ATP1B1: variants seen among roughly 807,000 people sequenced by gnomAD.
ATP1B1 encodes ATPase Na+/K+ transporting subunit beta 1.
A neutral mutation model predicts 39.6 loss-of-function variants in ATP1B1; 3 were observed. That is an observed-to-expected ratio of 0.08 (90% CI 0.03 to 0.20). The LOEUF is 0.20. Among genes scored for constraint, ATP1B1 ranks in the 10% least tolerant of loss-of-function variants. The pLI is 1.00. For missense variants in ATP1B1, 216 were observed against 371.1 expected, an observed-to-expected ratio of 0.58 and a Z score of 3.43; for synonymous variants, 139 against 135.0, an observed-to-expected ratio of 1.03 and a Z score of -0.20.
Position 169,116,987 on chromosome 1 carries a change from C to T in ATP1B1, c.226+5489C>T, listed in dbSNP as rs186273956. Among the ~76,000 whole-genome samples, 170 of 152,234 alleles carry T rather than the reference C, an allele frequency of 1.1e-3. 1 individual carries two copies. Among genetic ancestry groups the T allele is most frequent in the African/African-American group, 3.9e-3 (160 of 41,530 alleles). On this transcript the variant is annotated intron_variant, in intron 2 of 5. Coordinates refer to ENST00000367815, the MANE Select transcript of ATP1B1 (RefSeq NM_001677.4). ...CTCAGAATACCTAATTTTTCCACCC[C>T]CCGCAAACTACCTCATACTTGTATT...
At chr1:169,123,625 C>A (rs944693353) in intron 2 of ATP1B1, among the ~76,000 whole-genome samples, 22 of 149,796 alleles carry the variant, frequency 1.5e-4, no homozygotes, top group African/African-American at 2.2e-4. Context: ...ATCTATCTAT[C>A]TATATATATA....
chr1:169,118,091 A>G (rs774466702), intron 2 of ATP1B1, among the ~76,000 whole-genome samples: 3 of 152,184 alleles, frequency 2.0e-5, no homozygotes, highest in Non-Finnish European at 4.4e-5. Context: ...CACAATTATG[A>G]GCTATACAAA....
Position 169,131,619 on chromosome 1 carries a change from C to A in ATP1B1, c.*64C>A. ...TTAAAAAAAGATACAAAAACAAAAA[C>A]CTACTAGTCTTGAACAAACTGTCAT... is the stretch of plus-strand genomic sequence containing the variant. On this transcript the variant is annotated 3_prime_UTR_variant, in exon 6 of 6. Transcript: ENST00000367815. The surrounding 1 kb of genome is among the most constrained non-coding windows in gnomAD (Gnocchi z 4.4). The A allele has an allele frequency of 1.3e-6, 2 of 1,539,578 alleles. No individual in the cohort carries two copies. Among genetic ancestry groups the A allele is most frequent in the Non-Finnish European group, 1.7e-6 (2 of 1,144,888 alleles).
chr1:169,109,221 TGTTTGTTTGTTCA>T (rs1307409563), intron 1 of ATP1B1, among the ~76,000 whole-genome samples: 3 of 152,220 alleles, frequency 2.0e-5, no homozygotes, highest in Admixed American at 6.5e-5. Context: ...GGGTACACAC[TGTTTGTTTGTTCA>T]TTTGTTTGTT....
chr1:169,132,367 T>TTTTAC lies in ATP1B1; in HGVS notation c.*816_*820dup. ...TAATTAATTTGCTTTATACATTTTC[T>TTTTAC]TTTACTTTCCTTTTTTCCTTTCTGG... is the stretch of plus-strand genomic sequence containing the variant. On this transcript the variant is annotated 3_prime_UTR_variant, in exon 6 of 6. Transcript: ENST00000367815. 2.2e-6 allele frequency: 1 copy of TTTTAC among 464,780 alleles called. No individual in the cohort carries two copies. Among genetic ancestry groups the TTTTAC allele is most frequent in the Non-Finnish European group, 3.9e-6 (1 of 257,458 alleles). 28.8% of individuals were successfully genotyped at this position (464,780 alleles called of 1,614,324 possible).
chr1:169,116,633 C>T (rs1017638339), intron 2 of ATP1B1, among the ~76,000 whole-genome samples: 1 of 152,026 alleles, frequency 6.6e-6, no homozygotes, highest in Non-Finnish European at 1.5e-5. Context: ...GGCAGATCAC[C>T]CGAGGTCAGG....
intron 2 of ATP1B1, among the ~76,000 whole-genome samples, chr1:169,115,996 G>GA (rs142818233): frequency 0.015 from 2,261 of 152,338 alleles, 63 homozygotes; most frequent in African/African-American, 0.052. Context: ...TGGATCTGGG[G>GA]AGAGACGCAG....
At chr1:169,122,218 C>G (rs1489350038) in intron 2 of ATP1B1, among the ~76,000 whole-genome samples, 1 of 152,156 alleles carries the variant, frequency 6.6e-6, no homozygotes, top group African/African-American at 2.4e-5. Context: ...CCTCAAGGCT[C>G]CATTCTCTCT....
In ATP1B1 at chr1:169,112,553, G is replaced by T. The variant is rs146657041; in HGVS notation, c.226+1055G>T. Reference sequence around the variant, plus strand: ...AGGTGACAATCTTCAGATGATCTACGTGGCCCTGAGCAGCCTAGATCAAGG... The same window carrying T: ...AGGTGACAATCTTCAGATGATCTACTTGGCCCTGAGCAGCCTAGATCAAGG... On this transcript the variant is annotated intron_variant, in intron 2 of 5. Transcript: ENST00000367815. 1.8e-4 allele frequency among the ~76,000 whole-genome samples: 27 copies of T among 152,324 alleles called. 1 individual carries two copies. Among genetic ancestry groups the T allele is most frequent in the Middle Eastern group, 3.4e-3 (1 of 294 alleles).
chr1:169,106,740 C>G lies in ATP1B1; in HGVS notation c.-90C>G. 6 of 1,060,916 alleles carry G rather than the reference C, an allele frequency of 5.7e-6. No homozygotes were observed. The highest frequency in any genetic ancestry group is 7.9e-6 in the Non-Finnish European group (6 of 761,242). 65.7% of individuals were successfully genotyped at this position (1,060,916 alleles called of 1,614,324 possible). A position where few individuals can be genotyped will look rare whatever the true frequency, so the allele number is the denominator to read the frequency against. On this transcript the variant is annotated 5_prime_UTR_variant, in exon 1 of 6. Coordinates refer to ENST00000367815, the MANE Select transcript of ATP1B1 (RefSeq NM_001677.4). Reference sequence around the variant, plus strand: ...CGCGTCCTGCCTGCAGAGAGCCAGGCCGGAGAAGCCGAGCGGCGCAGAGGA... The same window carrying G: ...CGCGTCCTGCCTGCAGAGAGCCAGGGCGGAGAAGCCGAGCGGCGCAGAGGA...
chr1:169,128,312 A>T (rs1658130906), intron 4 of ATP1B1, among the ~76,000 whole-genome samples: 1 of 152,214 alleles, frequency 6.6e-6, no homozygotes, highest in South Asian at 2.1e-4. Flanking sequence ...CATTTCTGAA[A>T]TCTGGCACTT....
intron 4 of ATP1B1, among the ~76,000 whole-genome samples, chr1:169,127,888 T>G (rs1346598142): frequency 1.3e-5 from 2 of 152,210 alleles, no homozygotes; most frequent in Non-Finnish European, 2.9e-5. Flanking sequence ...TCAAAAAAAT[T>G]GATAATCTGA....
At chr1:169,108,898 T>C (rs1008443272) in intron 1 of ATP1B1, among the ~76,000 whole-genome samples, 1 of 152,224 alleles carries the variant, frequency 6.6e-6, no homozygotes, top group African/African-American at 2.4e-5. Flanking sequence ...TTTCTGGCAG[T>C]GTAAAAACTG....
chr1:169,109,388 G>A (rs1007726425), intron 1 of ATP1B1, among the ~76,000 whole-genome samples: 1 of 152,006 alleles, frequency 6.6e-6, no homozygotes, highest in African/African-American at 2.4e-5. Flanking sequence ...TTGGCTAGTG[G>A]GGAGCCCCTG....
In ATP1B1 at chr1:169,125,477, A is replaced by G. The variant is rs965566228; in HGVS notation, c.382+438A>G. 1.4e-4 allele frequency among the ~76,000 whole-genome samples: 21 copies of G among 152,188 alleles called. 1 individual carries two copies. The highest frequency in any genetic ancestry group is 4.8e-4 in the African/African-American group (20 of 41,448). On this transcript the variant is annotated intron_variant, in intron 3 of 5. Transcript: ENST00000367815. Reference sequence around the variant, plus strand: ...CACTGGCATTCATGAAGGAGGATGTATGGTCAGGGTATACTTTTATTGATC... The same window carrying G: ...CACTGGCATTCATGAAGGAGGATGTGTGGTCAGGGTATACTTTTATTGATC...
intron 1 of ATP1B1, among the ~76,000 whole-genome samples, chr1:169,111,094 A>G (rs995410306): frequency 3.9e-5 from 6 of 152,016 alleles, no homozygotes; most frequent in African/African-American, 1.4e-4. Flanking sequence ...TACTTTTTTT[A>G]AAATTTAGGG....
Position 169,124,873 on chromosome 1 carries a change from G to A in ATP1B1, c.227-11G>A. Reference sequence around the variant, plus strand: ...CCTTCCTACTAATGTTTTTCTCTCTGCCTGGTCTAGGATTAACACAGATTC... The same window carrying A: ...CCTTCCTACTAATGTTTTTCTCTCTACCTGGTCTAGGATTAACACAGATTC... On this transcript the variant is annotated splice_polypyrimidine_tract_variant and intron_variant, in intron 2 of 5. Transcript: ENST00000367815. The A allele has an allele frequency of 1.2e-6, 2 of 1,610,170 alleles. No homozygotes were observed. Among genetic ancestry groups the A allele is most frequent in the Non-Finnish European group, 1.7e-6 (2 of 1,178,696 alleles).
Position 169,132,033 on chromosome 1 carries a change from T to TTTTG in ATP1B1, c.*481_*482insGTTT, listed in dbSNP as rs1553237617. On this transcript the variant is annotated 3_prime_UTR_variant, in exon 6 of 6. Transcript: ENST00000367815. ...CTGGCATGGTAATTTTTTTTTTTTT[T>TTTTG]TTTTTTTTGTTTTTTGGCTCTTTCA... 20 of 235,780 alleles carry TTTTG rather than the reference T, an allele frequency of 8.5e-5. No individual in the cohort carries two copies. The East Asian group carries it at 2.9e-3, about 34-fold the overall frequency. The allele number at this position is 235,780 out of a possible 1,614,324, so 14.6% of individuals were successfully genotyped here.
chr1:169,125,175 ACTTTTTTT>A, intron 3 of ATP1B1, 136 bp downstream of exon 3: 3 of 1,175,820 alleles, frequency 2.6e-6, no homozygotes, highest in East Asian at 2.5e-5. Context: ...ATATTTAGAC[ACTTTTTTT>A]AAAAAAAGCA....
Sources: allele counts gnomAD v4.1 joint callset (sites outside exome capture counted in the v4.1 genomes callset), GRCh38; gene constraint gnomAD v4.1.1; non-coding constraint Gnocchi (gnomAD v3.1); transcripts MANE v1.5; gene names NCBI Gene and HGNC (gene_info 2026-07-23, HGNC 2026-07-21).